The following ADTRP variants were observed in gnomAD, a reference collection of about 807,000 sequenced individuals.
The protein encoded by ADTRP is androgen-dependent TFPI-regulating protein.
A neutral mutation model predicts 27.0 loss-of-function variants in ADTRP; 20 were observed. That is an observed-to-expected ratio of 0.74 (90% CI 0.52 to 1.08). The LOEUF (loss-of-function observed/expected upper bound fraction) is 1.08, where lower values mean the gene tolerates loss of function less well. Among genes scored for constraint, ADTRP ranks in the 50% least tolerant of loss-of-function variants. ADTRP has a pLI of 0.00. For synonymous variants in ADTRP, 101 were observed against 105.2 expected, an observed-to-expected ratio of 0.96 and a Z score of 0.25; for missense variants, 251 against 275.0, an observed-to-expected ratio of 0.91 and a Z score of 0.62.
At position 11,776,766 on chromosome 6, in the gene ADTRP, C is replaced by T. The variant is rs553723503; in HGVS notation, c.153+1841G>A. Among the ~76,000 whole-genome samples the T allele has an allele frequency of 3.9e-5, 6 of 152,280 alleles. No homozygotes were observed. The East Asian group carries it at 1.2e-3, about 29-fold the overall frequency. On this transcript the variant is annotated intron_variant, in intron 1 of 5. Transcript: ENST00000414691. ...CAGTCCTTACTGCAGAAGAGACCAG[C>T]CTCCCAGGGAGAGGGAACCCGAAAG...
intron 5 of ADTRP, among the ~76,000 whole-genome samples, chr6:11,716,030 G>T (rs1309671198): frequency 6.6e-6 from 1 of 151,648 alleles, no homozygotes; most frequent in Non-Finnish European, 1.5e-5. Flanking sequence ...CTCTACATTA[G>T]GTCTATAAGT....
chr6:11,775,502 T>C (rs1763925413), intron 1 of ADTRP, among the ~76,000 whole-genome samples: 1 of 152,054 alleles, frequency 6.6e-6, no homozygotes, highest in African/African-American at 2.4e-5. Flanking sequence ...ATTGTAACCA[T>C]TGTGAAATAC....
At position 11,768,157 on chromosome 6, in the gene ADTRP, A is replaced by G. The variant is rs545351091; in HGVS notation, c.288+92T>C. The G allele has an allele frequency of 5.3e-6, 8 of 1,509,286 alleles. No homozygotes were observed. In the East Asian group the frequency reaches 9.1e-5, roughly 17 times the overall value. The allele number at this position is 1,509,286 out of a possible 1,614,324, so 93.5% of individuals were successfully genotyped here. On this transcript the variant is annotated intron_variant, in intron 2 of 5. Transcript: ENST00000414691. Reference sequence around the variant, plus strand: ...GTAAATGCAGTGGGTGTGGTTTCCAATTATGGGCTCCCAAACAGCTTGGCT... The same window carrying G: ...GTAAATGCAGTGGGTGTGGTTTCCAGTTATGGGCTCCCAAACAGCTTGGCT...
intron 3 of ADTRP, among the ~76,000 whole-genome samples, chr6:11,750,745 C>T (rs1219457667): frequency 2.0e-5 from 3 of 152,188 alleles, no homozygotes; most frequent in African/African-American, 7.2e-5. Flanking sequence ...TCTTTCTTTG[C>T]TGATGCCTAT....
intron 5 of ADTRP, among the ~76,000 whole-genome samples, chr6:11,721,241 G>A (rs567946484): frequency 1.2e-4 from 19 of 152,292 alleles, no homozygotes; most frequent in African/African-American, 3.4e-4. Flanking sequence ...TCCCGTGGAC[G>A]TAAGAAACAA....
intron 3 of ADTRP, among the ~76,000 whole-genome samples, chr6:11,761,897 C>T (rs186221788): frequency 6.6e-6 from 1 of 152,174 alleles, no homozygotes; most frequent in Admixed American, 6.5e-5. Context: ...GGTATGTAGA[C>T]TGTGGGTGAC....
chr6:11,777,469 C>T (rs1048409176), intron 1 of ADTRP, among the ~76,000 whole-genome samples: 8 of 113,632 alleles, frequency 7.0e-5, no homozygotes, highest in Non-Finnish European at 7.7e-5. Context: ...TGTGTATGCG[C>T]GTGTGTGTGT....
At chr6:11,764,024 C>G (rs1763474971) in intron 3 of ADTRP, among the ~76,000 whole-genome samples, 1 of 152,202 alleles carries the variant, frequency 6.6e-6, no homozygotes, top group African/African-American at 2.4e-5. Context: ...CTCTTCTCTC[C>G]TTGTCACCAT....
At chr6:11,716,399 A>AG (rs1761824880) in intron 5 of ADTRP, among the ~76,000 whole-genome samples, 1 of 152,190 alleles carries the variant, frequency 6.6e-6, no homozygotes, top group African/African-American at 2.4e-5. Context: ...GGAGGACAGC[A>AG]GGTGGTTCCC....
chr6:11,764,598 G>A (rs1198406314), intron 3 of ADTRP, among the ~76,000 whole-genome samples: 1 of 151,252 alleles, frequency 6.6e-6, no homozygotes, highest in East Asian at 1.9e-4. Flanking sequence ...CAAGCAAAGC[G>A]AGGTCCTTTT....
At chr6:11,774,079 C>T (rs2113355549) in intron 1 of ADTRP, among the ~76,000 whole-genome samples, 1 of 152,200 alleles carries the variant, frequency 6.6e-6, no homozygotes, top group African/African-American at 2.4e-5. Context: ...GAGGCCAAGG[C>T]AGGCGGATCA....
intron 4 of ADTRP, among the ~76,000 whole-genome samples, chr6:11,729,989 A>G (rs1354095790): frequency 6.6e-6 from 1 of 152,298 alleles, no homozygotes; most frequent in East Asian, 1.9e-4. Context: ...TGTCTCAGGC[A>G]TGTCTCTCAT....
In ADTRP at chr6:11,715,648, CTTTTTTTTTTT is replaced by C. The variant is rs55815652; in HGVS notation, c.659-1147_659-1137del. On this transcript the variant is annotated intron_variant, in intron 5 of 5. Transcript: ENST00000414691. ...CTACTTCTTTCTCTTCTGTTTTTCC[CTTTTTTTTTTT>C]TTTTTTTTTTTGAGACAAGGTCTTT... 2.5e-4 allele frequency among the ~76,000 whole-genome samples: 30 copies of C among 121,146 alleles called. 1 individual carries two copies. The highest frequency in any genetic ancestry group is 9.6e-4 in the African/African-American group (28 of 29,020). 79.5% of individuals were successfully genotyped at this position (121,146 alleles called of 152,430 possible).
Position 11,714,409 on chromosome 6 carries a change from A to AC in ADTRP, c.*68_*69insG. 6.4e-7 allele frequency: 1 copy of AC among 1,556,946 alleles called. No homozygotes were observed. The highest frequency in any genetic ancestry group is 1.9e-5 in the Admixed American group (1 of 52,264). On this transcript the variant is annotated 3_prime_UTR_variant, in exon 6 of 6. Transcript: ENST00000414691. ...CCTCCACCACCTCCCTCCACCAGAA[A>AC]AAAAAAAAAAAGATGAGAAAAATCT...
At chr6:11,773,289 C>G (rs2235389) in intron 1 of ADTRP, among the ~76,000 whole-genome samples, 58,214 of 152,002 alleles carry the variant, frequency 0.38, 12,395 homozygotes, top group Non-Finnish European at 0.48. Flanking sequence ...GTATTTTACA[C>G]GATGCAGGTC....
At chr6:11,760,344 A>G (rs1763357834) in intron 3 of ADTRP, among the ~76,000 whole-genome samples, 1 of 152,148 alleles carries the variant, frequency 6.6e-6, no homozygotes, top group South Asian at 2.1e-4. Flanking sequence ...GTCCTCTTAC[A>G]AGGTCATCAT....
At chr6:11,744,983 C>G (rs1333381264) in intron 3 of ADTRP, among the ~76,000 whole-genome samples, 1 of 152,158 alleles carries the variant, frequency 6.6e-6, no homozygotes, top group Admixed American at 6.5e-5. Flanking sequence ...GGCACAGTTC[C>G]AAACCTTCCG....
chr6:11,741,926 T>C (rs1231696719), intron 3 of ADTRP, among the ~76,000 whole-genome samples: 1 of 152,130 alleles, frequency 6.6e-6, no homozygotes, highest in Non-Finnish European at 1.5e-5. Flanking sequence ...TCAAACTTCA[T>C]TCACTTTTCT....
At chr6:11,756,390 T>G (rs1199301562) in intron 3 of ADTRP, among the ~76,000 whole-genome samples, 1 of 152,166 alleles carries the variant, frequency 6.6e-6, no homozygotes, top group African/African-American at 2.4e-5. Flanking sequence ...AATCACAGTT[T>G]GGTGACTTGA....
Sources: allele counts gnomAD v4.1 joint callset (sites outside exome capture counted in the v4.1 genomes callset), GRCh38; gene constraint gnomAD v4.1.1; transcripts MANE v1.5; gene names NCBI Gene and HGNC (gene_info 2026-07-23, HGNC 2026-07-21).